The following KLHL6 variants were observed in gnomAD, a reference collection of about 807,000 sequenced individuals.
KLHL6 encodes kelch-like protein 6.
A neutral mutation model predicts 58.6 loss-of-function variants in KLHL6; 41 were observed. The ratio of observed to expected loss-of-function variants is 0.70; its 90% CI spans 0.55 to 0.91. The LOEUF (loss-of-function observed/expected upper bound fraction) is 0.91, where lower values mean the gene tolerates loss of function less well. Ranked by LOEUF, KLHL6 falls within the 40% of genes least tolerant of loss-of-function variation. KLHL6 has a pLI of 0.00. For missense variants in KLHL6, 714 were observed against 805.6 expected, an observed-to-expected ratio of 0.89 and a Z score of 1.38; for synonymous variants, 338 against 322.7, an observed-to-expected ratio of 1.05 and a Z score of -0.51.
At chr3:183,535,734 T>C (rs1389316015) in intron 1 of KLHL6, among the ~76,000 whole-genome samples, 1 of 152,190 alleles carries the variant, frequency 6.6e-6, no homozygotes, top group Non-Finnish European at 1.5e-5. Context: ...TTGGGCTCTC[T>C]AGGGTCATCT....
intron 1 of KLHL6, among the ~76,000 whole-genome samples, chr3:183,543,249 T>TGCC (rs1712612701): frequency 6.7e-6 from 1 of 149,288 alleles, no homozygotes; most frequent in South Asian, 2.1e-4. Flanking sequence ...ATCGCACCAC[T>TGCC]GCACTCCAGC....
chr3:183,534,124 A>G (rs937861235), intron 1 of KLHL6, among the ~76,000 whole-genome samples: 106 of 122,612 alleles, frequency 8.6e-4, no homozygotes, highest in African/African-American at 2.9e-3. Flanking sequence ...TTACTTTTAA[A>G]GTACTTTGTA....
rs958264442 is a variant in KLHL6 at position 183,492,977 on chromosome 3, A to C, written c.1351-270T>G. ...GGAATCCAGCTCTCAGGCAAGAATA[A>C]GTTTATACAGATGAAGTCAGCCAGT... On this transcript the variant is annotated intron_variant, in intron 5 of 6. Transcript: ENST00000341319. This position sits in a 1 kb window ranked among gnomAD's most constrained non-coding sequence, Gnocchi z 5.9. 2.2e-6 allele frequency: 1 copy of C among 450,326 alleles called. No homozygotes were observed. Among genetic ancestry groups the C allele is most frequent in the African/African-American group, 2.0e-5 (1 of 50,836 alleles). The allele number at this position is 450,326 out of a possible 1,614,324, so 27.9% of individuals were successfully genotyped here.
chr3:183,513,339 T>C (rs1718242586), intron 2 of KLHL6, among the ~76,000 whole-genome samples: 1 of 152,228 alleles, frequency 6.6e-6, no homozygotes, highest in Non-Finnish European at 1.5e-5. Flanking sequence ...TAATAAAAGA[T>C]AGAAGCAAAG....
At chr3:183,544,877 T>C (rs971538510) in intron 1 of KLHL6, 5 of 152,150 alleles carry the variant, frequency 3.3e-5, no homozygotes, top group African/African-American at 1.2e-4. Context: ...GGCACAGTGA[T>C]TGGCCTAGGA....
intron 2 of KLHL6, among the ~76,000 whole-genome samples, chr3:183,510,146 T>C (rs1718140229): frequency 1.3e-5 from 2 of 152,196 alleles, no homozygotes. Context: ...CATTGGTTCA[T>C]TCTTATTTGT....
rs1262902765 is a variant in KLHL6, at chr3:183,490,736, CAG to C, written c.*1189_*1190del. 2.0e-5 allele frequency: 3 copies of C among 150,962 alleles called. No individual in the cohort carries two copies. Among genetic ancestry groups the C allele is most frequent in the African/African-American group, 7.3e-5 (3 of 40,918 alleles). The allele number at this position is 150,962 out of a possible 1,614,324, so 9.4% of individuals were successfully genotyped here. On this transcript the variant is annotated 3_prime_UTR_variant, in exon 7 of 7. Coordinates refer to ENST00000341319, the MANE Select transcript of KLHL6 (RefSeq NM_130446.4). ...AGGAAAATCACTTGAACCAGGGTGA[CAG>C]AGGTTGCAGTGAGCCGAGATCATGC...
chr3:183,531,604 G>A (rs934745386), intron 1 of KLHL6, among the ~76,000 whole-genome samples: 4 of 151,654 alleles, frequency 2.6e-5, no homozygotes, highest in African/African-American at 7.3e-5. Flanking sequence ...CTGCCACCAC[G>A]CCTGGCTAAT....
At chr3:183,503,892 C>A (rs1717935103) in intron 3 of KLHL6, among the ~76,000 whole-genome samples, 1 of 152,138 alleles carries the variant, frequency 6.6e-6, no homozygotes, top group Non-Finnish European at 1.5e-5. Context: ...GAGTAGCCTC[C>A]AGGCTCACAC....
intron 1 of KLHL6, among the ~76,000 whole-genome samples, chr3:183,529,318 A>G (rs1205673896): frequency 6.6e-6 from 1 of 152,072 alleles, no homozygotes; most frequent in African/African-American, 2.4e-5. Flanking sequence ...AAAGAGAGAT[A>G]TAGAGATTTT....
At chr3:183,513,862 T>G (rs1718256331) in intron 2 of KLHL6, among the ~76,000 whole-genome samples, 1 of 152,124 alleles carries the variant, frequency 6.6e-6, no homozygotes, top group Non-Finnish European at 1.5e-5. Flanking sequence ...TAATACTCTT[T>G]CTCCCCTTCC....
Position 183,492,446 on chromosome 3 carries a change from G to A in KLHL6, c.1564+48C>T, listed in dbSNP as rs143461965. Reference sequence around the variant, plus strand: ...CACCGTTTACGTGCTGCAGCCAGGCGCTCATCAGGTTCTAAGCCATTCAGA... The same window carrying A: ...CACCGTTTACGTGCTGCAGCCAGGCACTCATCAGGTTCTAAGCCATTCAGA... On this transcript the variant is annotated intron_variant, in intron 6 of 6. Coordinates refer to ENST00000341319, the MANE Select transcript of KLHL6 (RefSeq NM_130446.4). This position sits in a 1 kb window ranked among gnomAD's most constrained non-coding sequence, Gnocchi z 5.9. 360 of 1,590,282 alleles carry A rather than the reference G, an allele frequency of 2.3e-4. 1 individual carries two copies. The African/African-American group carries it at 4.4e-3, about 19-fold the overall frequency.
At chr3:183,542,888 A>G (rs11914955) in intron 1 of KLHL6, among the ~76,000 whole-genome samples, 2,591 of 147,018 alleles carry the variant, frequency 0.018, 88 homozygotes, top group African/African-American at 0.066. Context: ...GGATGGATGG[A>G]TGGATGGATG....
intron 1 of KLHL6, among the ~76,000 whole-genome samples, chr3:183,536,858 A>G (rs1349052506): frequency 6.6e-6 from 1 of 152,160 alleles, no homozygotes; most frequent in Non-Finnish European, 1.5e-5. Context: ...GCTGTCGACC[A>G]TGCATCCAGA....
At chr3:183,532,434 C>A (rs979256266) in intron 1 of KLHL6, among the ~76,000 whole-genome samples, 3 of 152,236 alleles carry the variant, frequency 2.0e-5, no homozygotes, top group African/African-American at 7.2e-5. Context: ...GCAGCCCAAG[C>A]TGACTAATAC....
At chr3:183,534,693 C>T (rs930910801) in intron 1 of KLHL6, among the ~76,000 whole-genome samples, 9 of 151,976 alleles carry the variant, frequency 5.9e-5, no homozygotes, top group Admixed American at 2.0e-4. Flanking sequence ...TGAGCCCCAC[C>T]ATGCCCGGCC....
chr3:183,535,925 G>C (rs1002859690), intron 1 of KLHL6, among the ~76,000 whole-genome samples: 4 of 152,134 alleles, frequency 2.6e-5, no homozygotes, highest in Admixed American at 2.0e-4. Context: ...ACAGGCGCCC[G>C]CCACCACGCA....
At chr3:183,546,922 T>TC (rs1712739511) in intron 1 of KLHL6, among the ~76,000 whole-genome samples, 1 of 151,226 alleles carries the variant, frequency 6.6e-6, no homozygotes, top group Non-Finnish European at 1.5e-5. Context: ...TTTTTTTTTT[T>TC]TTTTTTTGAC....
intron 2 of KLHL6, among the ~76,000 whole-genome samples, chr3:183,514,402 G>A (rs1711507038): frequency 6.6e-6 from 1 of 152,124 alleles, no homozygotes; most frequent in East Asian, 1.9e-4. Flanking sequence ...TCCTGGAGCT[G>A]CCCTGTTGCA....
Sources: allele counts gnomAD v4.1 joint callset (sites outside exome capture counted in the v4.1 genomes callset), GRCh38; gene constraint gnomAD v4.1.1; non-coding constraint Gnocchi (gnomAD v3.1); transcripts MANE v1.5; gene names NCBI Gene and HGNC (gene_info 2026-07-23, HGNC 2026-07-21).